Variants in FANCC observed in about 807,000 individuals in gnomAD.
FANCC encodes the protein Fanconi anemia group C protein.
FANCC carries 55 observed loss-of-function variants against 71.3 expected under a neutral mutation model. That is an observed-to-expected ratio of 0.77 (90% CI 0.62 to 0.97). The LOEUF (loss-of-function observed/expected upper bound fraction) is 0.97, where lower values mean the gene tolerates loss of function less well. Among genes scored for constraint, FANCC ranks in the 50% least tolerant of loss-of-function variants. The pLI, the probability that FANCC is intolerant of heterozygous loss-of-function variation, is 0.00. For synonymous variants in FANCC, 275 were observed against 244.9 expected, an observed-to-expected ratio of 1.12 and a Z score of -1.15; for missense variants, 678 against 670.9, an observed-to-expected ratio of 1.01 and a Z score of -0.12.
intron 1 of FANCC, among the ~76,000 whole-genome samples, chr9:95,280,306 C>A (rs1374100826): frequency 6.6e-6 from 1 of 152,044 alleles, no homozygotes; most frequent in Non-Finnish European, 1.5e-5. Context: ...AAGGGAGAAA[C>A]AGACAATTGA....
chr9:95,145,707 A>G (rs1258131160), intron 7 of FANCC, among the ~76,000 whole-genome samples: 1 of 152,198 alleles, frequency 6.6e-6, no homozygotes, highest in Admixed American at 6.5e-5. Context: ...GAGAACCAGA[A>G]CAGAAGGTAA....
intron 10 of FANCC, chr9:95,123,950 A>G (rs1313334461): frequency 2.7e-6 from 1 of 371,846 alleles, no homozygotes; most frequent in African/African-American, 2.1e-5. Context: ...AAAAAATACA[A>G]AAAGTAGCCA....
At chr9:95,267,429 G>A (rs1458459011) in intron 1 of FANCC, among the ~76,000 whole-genome samples, 1 of 152,168 alleles carries the variant, frequency 6.6e-6, no homozygotes, top group Non-Finnish European at 1.5e-5. Context: ...GCCAGACAGA[G>A]ACAAGCAGAA....
rs1437855725 is a variant in FANCC, at chr9:95,101,288, A to C, written c.*419T>G. On this transcript the variant is annotated 3_prime_UTR_variant, in exon 15 of 15. Transcript: ENST00000289081. ...CCTGACTCCTAAAAAGAGTCTAAAA[A>C]GAGCTAAGTTCTCTCTAAATTCTTT... The C allele has an allele frequency of 1.6e-5, 5 of 315,036 alleles. No homozygotes were observed. The allele number at this position is 315,036 out of a possible 1,614,324, so 19.5% of individuals were successfully genotyped here.
chr9:95,120,363 T>C (rs1052169973), intron 10 of FANCC, among the ~76,000 whole-genome samples: 4 of 152,158 alleles, frequency 2.6e-5, no homozygotes, highest in Admixed American at 2.6e-4. Context: ...GATCTATCTA[T>C]GGCTGTCTTT....
intron 6 of FANCC, among the ~76,000 whole-genome samples, chr9:95,168,702 T>C (rs1825466482): frequency 6.6e-6 from 1 of 152,232 alleles, no homozygotes. Context: ...AGCTAATTTG[T>C]ACTTTTAGTA....
chr9:95,291,683 C>T (rs1834008250), intron 1 of FANCC, among the ~76,000 whole-genome samples: 1 of 152,002 alleles, frequency 6.6e-6, no homozygotes, highest in Non-Finnish European at 1.5e-5. Context: ...CACAGTGACT[C>T]ATGCCTGTAA....
At chr9:95,276,643 C>T (rs1180502056) in intron 1 of FANCC, among the ~76,000 whole-genome samples, 1 of 152,168 alleles carries the variant, frequency 6.6e-6, no homozygotes, top group Non-Finnish European at 1.5e-5. Flanking sequence ...AGAACGACAA[C>T]AACAAAAATC....
chr9:95,303,592 A>G (rs1834886219), intron 1 of FANCC, among the ~76,000 whole-genome samples: 1 of 152,210 alleles, frequency 6.6e-6, no homozygotes, highest in Non-Finnish European at 1.5e-5. Flanking sequence ...GGTCCTGTTG[A>G]GAGCCCTCTT....
chr9:95,207,716 C>T (rs1828222231), intron 4 of FANCC, among the ~76,000 whole-genome samples: 1 of 152,226 alleles, frequency 6.6e-6, no homozygotes, highest in South Asian at 2.1e-4. Context: ...GCCACCCCCA[C>T]CTATTTCATT....
At chr9:95,171,625 A>G (rs1349840590) in intron 5 of FANCC, among the ~76,000 whole-genome samples, 1 of 152,212 alleles carries the variant, frequency 6.6e-6, no homozygotes, top group African/African-American at 2.4e-5. Context: ...ATGCTTTAAT[A>G]TTAAGAGGTA....
At chr9:95,185,993 T>C (rs911536827) in intron 4 of FANCC, among the ~76,000 whole-genome samples, 3 of 152,256 alleles carry the variant, frequency 2.0e-5, no homozygotes, top group Admixed American at 6.5e-5. Flanking sequence ...ATGTTTAAAA[T>C]GGACTTATTA....
chr9:95,312,153 C>A (rs1835445173), intron 1 of FANCC, among the ~76,000 whole-genome samples: 1 of 152,180 alleles, frequency 6.6e-6, no homozygotes, highest in Non-Finnish European at 1.5e-5. Flanking sequence ...TACTCTCACA[C>A]AAACGTGTCT....
intron 4 of FANCC, among the ~76,000 whole-genome samples, chr9:95,227,194 A>T (rs1208761979): frequency 6.6e-6 from 1 of 152,142 alleles, no homozygotes; most frequent in Non-Finnish European, 1.5e-5. Flanking sequence ...TCAGTTCGGG[A>T]GAGAAAATTT....
At chr9:95,297,105 G>C (rs1223597818) in intron 1 of FANCC, among the ~76,000 whole-genome samples, 1 of 152,212 alleles carries the variant, frequency 6.6e-6, no homozygotes, top group Non-Finnish European at 1.5e-5. Flanking sequence ...AAAGAGACCT[G>C]ACACTGAGAA....
chr9:95,134,332 T>C (rs578011480), intron 8 of FANCC, among the ~76,000 whole-genome samples: 116 of 152,302 alleles, frequency 7.6e-4, no homozygotes, highest in African/African-American at 2.6e-3. Flanking sequence ...AGGGGTTCTA[T>C]GAGCTCAGGA....
intron 4 of FANCC, among the ~76,000 whole-genome samples, chr9:95,203,169 G>C (rs567293964): frequency 2.0e-5 from 3 of 152,094 alleles, no homozygotes; most frequent in South Asian, 4.1e-4. Context: ...GGCTGAAGTG[G>C]GCAGATCACT....
intron 4 of FANCC, among the ~76,000 whole-genome samples, chr9:95,222,034 CA>C (rs1277913150): frequency 1.3e-5 from 2 of 151,724 alleles, no homozygotes; most frequent in Non-Finnish European, 2.9e-5. Context: ...AAAACTTTTA[CA>C]AAAAATGTTC....
intron 13 of FANCC, chr9:95,107,575 T>C (rs953166053): frequency 8.3e-6 from 4 of 484,610 alleles, no homozygotes; most frequent in Admixed American, 3.4e-5. Context: ...GATTTTTATA[T>C]TGTGGGAAAA....
Sources: gnomAD v4.1 joint callset for allele counts (sites outside exome capture counted in the v4.1 genomes callset) on GRCh38, gnomAD v4.1.1 for gene constraint, MANE v1.5 for transcripts, NCBI Gene and HGNC (gene_info 2026-07-23, HGNC 2026-07-21) for gene names.